PPP1R1C: variants seen among roughly 807,000 people sequenced by gnomAD.
PPP1R1C encodes protein phosphatase 1 regulatory inhibitor subunit 1C, also known as protein phosphatase 1 regulatory subunit 1C.
In PPP1R1C, 15 loss-of-function variants were observed where a neutral mutation model predicts 17.4. The ratio of observed to expected loss-of-function variants is 0.86; its 90% CI spans 0.58 to 1.33. The LOEUF (loss-of-function observed/expected upper bound fraction) is 1.33, where lower values mean the gene tolerates loss of function less well. Among genes scored for constraint, PPP1R1C ranks in the 40% most tolerant of loss-of-function variants. The pLI is 0.00. For missense variants in PPP1R1C, 143 were observed against 130.0 expected (o/e 1.10, Z -0.48); for synonymous variants, 35 against 43.1 (o/e 0.81, Z 0.73).
chr2:182,027,206 T>C (rs963653968), intron 2 of PPP1R1C, among the ~76,000 whole-genome samples: 6 of 113,864 alleles, frequency 5.3e-5, no homozygotes, highest in Non-Finnish European at 1.0e-4. Flanking sequence ...CTTTATTTCC[T>C]TCTCCTGCCT....
rs987039460 is a variant in PPP1R1C, at chr2:181,961,975, A to G, written n.111+7341A>G. ...ACGGGTGCATGGCCAGCTCTGTCTCATACTTGACTCTAAAGTCATCGGCTG... is the reference window on the plus strand; with the variant it reads ...ACGGGTGCATGGCCAGCTCTGTCTCGTACTTGACTCTAAAGTCATCGGCTG... On this transcript the variant is annotated intron_variant and non_coding_transcript_variant, in intron 1 of 5. Coordinates refer to the PPP1R1C transcript ENST00000464264. This position sits in a 1 kb window ranked among gnomAD's most constrained non-coding sequence, Gnocchi z 5.8. 397 of 734,706 alleles carry G rather than the reference A, an allele frequency of 5.4e-4. 3 individuals carry two copies. The Admixed American group carries it at 6.8e-3, about 13-fold the overall frequency. 45.5% of individuals were successfully genotyped at this position (734,706 alleles called of 1,614,324 possible).
At chr2:182,128,245 T>C (rs7558141) in intron 5 of PPP1R1C, among the ~76,000 whole-genome samples, 37,149 of 151,984 alleles carry the variant, frequency 0.24, 5,095 homozygotes, top group African/African-American at 0.37. Flanking sequence ...ATGAAATCAT[T>C]TCTGATAATG....
At chr2:181,978,091 C>T (rs950737751) in intron 2 of PPP1R1C, among the ~76,000 whole-genome samples, 19 of 152,088 alleles carry the variant, frequency 1.2e-4, no homozygotes, top group Non-Finnish European at 1.6e-4. Flanking sequence ...TCTTATATGG[C>T]GGCAGGCAAG....
At chr2:182,057,101 C>G (rs1335788549) in intron 2 of PPP1R1C, among the ~76,000 whole-genome samples, 1 of 152,122 alleles carries the variant, frequency 6.6e-6, no homozygotes, top group East Asian at 1.9e-4. Context: ...AACAGATGGT[C>G]TGGTTTTATG....
intron 2 of PPP1R1C, among the ~76,000 whole-genome samples, chr2:181,995,582 C>A (rs892785858): frequency 9.9e-5 from 15 of 152,176 alleles, no homozygotes; most frequent in African/African-American, 3.6e-4. Flanking sequence ...TTCTGGGTAG[C>A]TTAACAGTTG....
intron 4 of PPP1R1C, among the ~76,000 whole-genome samples, chr2:182,078,696 G>A (rs908721626): frequency 9.9e-5 from 15 of 152,174 alleles, no homozygotes; most frequent in East Asian, 1.9e-4. Flanking sequence ...AATCTGTGTC[G>A]TCTTCTTCCA....
At position 181,961,877 on chromosome 2, in the gene PPP1R1C, C is replaced by G; in HGVS notation, n.111+7243C>G. The G allele has an allele frequency of 3.7e-6, 3 of 820,932 alleles. No individual in the cohort carries two copies. Among genetic ancestry groups the G allele is most frequent in the Non-Finnish European group, 6.3e-6 (3 of 472,692 alleles). 50.9% of individuals were successfully genotyped at this position (820,932 alleles called of 1,614,324 possible). ...AGCTCCTCCTTGAGAGCCTCCATCT[C>G]TGTCTCCAGTGGCAGCCAAGTGACA... is the stretch of plus-strand genomic sequence containing the variant. On this transcript the variant is annotated intron_variant and non_coding_transcript_variant, in intron 1 of 5. Coordinates refer to the PPP1R1C transcript ENST00000464264. This position sits in a 1 kb window ranked among gnomAD's most constrained non-coding sequence, Gnocchi z 5.8.
rs1688474021 is a variant in PPP1R1C at position 182,081,475 on chromosome 2, A to C, written c.241+17684A>C. On this transcript the variant is annotated intron_variant, in intron 4 of 4. Coordinates refer to ENST00000682840, the MANE Select transcript of PPP1R1C (RefSeq NM_001080545.3). Reference sequence around the variant, plus strand: ...GAGAAGAGTAGAAAATTGTGATAGAAAATTTGAAATCCTTATATTTCTTTT... The same window carrying C: ...GAGAAGAGTAGAAAATTGTGATAGACAATTTGAAATCCTTATATTTCTTTT... 2.0e-5 allele frequency among the ~76,000 whole-genome samples: 3 copies of C among 152,206 alleles called. No individual in the cohort carries two copies. In the South Asian group the frequency reaches 6.2e-4, roughly 31 times the overall value.
chr2:182,088,672 C>A (rs1425095139), intron 4 of PPP1R1C, among the ~76,000 whole-genome samples: 1 of 152,102 alleles, frequency 6.6e-6, no homozygotes, highest in Non-Finnish European at 1.5e-5. Context: ...TCACTTGATT[C>A]TTTTTGCCTT....
intron 4 of PPP1R1C, among the ~76,000 whole-genome samples, chr2:182,114,189 C>T (rs944480081): frequency 4.6e-5 from 7 of 152,056 alleles, no homozygotes; most frequent in South Asian, 2.1e-4. Context: ...CTTGGTTTTC[C>T]GCCCATATGC....
chr2:182,056,483 T>G (rs1013227464), intron 2 of PPP1R1C, among the ~76,000 whole-genome samples: 1 of 152,176 alleles, frequency 6.6e-6, no homozygotes, highest in Non-Finnish European at 1.5e-5. Flanking sequence ...TACAAGACTG[T>G]TTTTATTGGA....
intron 4 of PPP1R1C, among the ~76,000 whole-genome samples, chr2:182,085,583 G>A (rs75602392): frequency 0.022 from 3,419 of 152,132 alleles, 128 homozygotes; most frequent in African/African-American, 0.078. Flanking sequence ...AGACAAAATG[G>A]GAAATGTCTT....
Position 182,017,675 on chromosome 2 carries a change from G to A in PPP1R1C, c.142+29776G>A, listed in dbSNP as rs142505319. On this transcript the variant is annotated intron_variant, in intron 2 of 4. Transcript: ENST00000682840. ...AGTGATGAAGAAAACAATTTATTCT[G>A]TGAGTTTGTGTTTTGTCAGCAAGAG... Among the ~76,000 whole-genome samples the A allele has an allele frequency of 3.3e-3, 499 of 152,188 alleles. 4 individuals carry two copies. The highest frequency in any genetic ancestry group is 0.011 in the African/African-American group (462 of 41,568).
At chr2:182,011,062 A>T (rs1574375003) in intron 2 of PPP1R1C, among the ~76,000 whole-genome samples, 2 of 151,856 alleles carry the variant, frequency 1.3e-5, no homozygotes, top group East Asian at 3.8e-4. Context: ...TTGTTCAGGG[A>T]TATTGGCCTG....
chr2:182,116,058 T>C (rs1483443085), intron 4 of PPP1R1C, among the ~76,000 whole-genome samples: 2 of 152,178 alleles, frequency 1.3e-5, no homozygotes, highest in Non-Finnish European at 2.9e-5. Flanking sequence ...AAGATAATTT[T>C]GTAGATTGAG....
chr2:182,011,549 T>C (rs1327072873), intron 2 of PPP1R1C, among the ~76,000 whole-genome samples: 2 of 151,986 alleles, frequency 1.3e-5, no homozygotes, highest in Non-Finnish European at 2.9e-5. Flanking sequence ...CTGTTTATCT[T>C]TTCAAAAACC....
At chr2:182,128,654 A>G (rs944639800) in intron 5 of PPP1R1C, among the ~76,000 whole-genome samples, 2 of 152,172 alleles carry the variant, frequency 1.3e-5, no homozygotes, top group Non-Finnish European at 2.9e-5. Flanking sequence ...GTATGTATAT[A>G]TGCATGTATG....
intron 4 of PPP1R1C, among the ~76,000 whole-genome samples, chr2:182,108,864 C>T (rs764803960): frequency 2.0e-4 from 30 of 152,176 alleles, no homozygotes; most frequent in Non-Finnish European, 3.5e-4. Context: ...CATCAGTTTT[C>T]GATTCATTTG....
At chr2:182,085,150 A>T (rs1688592986) in intron 4 of PPP1R1C, among the ~76,000 whole-genome samples, 1 of 152,060 alleles carries the variant, frequency 6.6e-6, no homozygotes, top group South Asian at 2.1e-4. Flanking sequence ...TAAATCTAGG[A>T]GTATTTTGGA....
Sources: allele counts gnomAD v4.1 joint callset (sites outside exome capture counted in the v4.1 genomes callset), GRCh38; gene constraint gnomAD v4.1.1; non-coding constraint Gnocchi (gnomAD v3.1); transcripts MANE v1.5; gene names NCBI Gene and HGNC (gene_info 2026-07-23, HGNC 2026-07-21).